FUT4: variants seen among roughly 807,000 people sequenced by gnomAD.
The protein encoded by FUT4 is alpha-(1,3)-fucosyltransferase 4.
A neutral mutation model predicts 3.8 loss-of-function variants in FUT4; 1 was observed. The observed-to-expected ratio is 0.26, with a 90% confidence interval of 0.09 to 1.25. The LOEUF (loss-of-function observed/expected upper bound fraction) is 1.25. Among genes scored for constraint, FUT4 ranks in the 50% most tolerant of loss-of-function variants. The probability of loss-of-function intolerance (pLI) is 0.47; values close to 1 mark genes in which losing one functional copy is unlikely to be tolerated. For synonymous variants in FUT4, 417 were observed against 355.3 expected, an observed-to-expected ratio of 1.17 and a Z score of -1.95; for missense variants, 880 against 768.2, an observed-to-expected ratio of 1.15 and a Z score of -1.72.
At position 94,545,324 on chromosome 11, in the gene FUT4, A is replaced by G; in HGVS notation, c.1191A>G (p.Glu397=). Residue 397 remains glutamate, a synonymous_variant, in exon 1 of 1, where the codon GAA becomes GAG. Coordinates refer to ENST00000358752, the MANE Select transcript of FUT4 (RefSeq NM_002033.4). The part of the protein sequence containing the change: ...GRGGPGQPVP[E]IGLLHTVARY... ...GCGGGCCGGGGCAGCCGGTGCCCGAAATTGGGCTCCTGCACACAGTGGCCC... is the reference window on the plus strand; with the variant it reads ...GCGGGCCGGGGCAGCCGGTGCCCGAGATTGGGCTCCTGCACACAGTGGCCC... The G allele has an allele frequency of 6.2e-7, 1 of 1,612,714 alleles. No individual in the cohort carries two copies. Among genetic ancestry groups the G allele is most frequent in the Non-Finnish European group, 8.5e-7 (1 of 1,179,886 alleles).
At position 94,545,817 on chromosome 11, in the gene FUT4, G is replaced by C. The variant is rs560948877; in HGVS notation, c.*91G>C. 6.9e-7 allele frequency: 1 copy of C among 1,441,490 alleles called. No homozygotes were observed. Among genetic ancestry groups the C allele is most frequent in the Admixed American group, 2.0e-5 (1 of 50,926 alleles). 89.3% of individuals were successfully genotyped at this position (1,441,490 alleles called of 1,614,324 possible). ...CATCTCCTTGACTGCCGCATCATGG[G>C]AGTAAGTTCTTCAAACACCCATTTT... is the stretch of plus-strand genomic sequence containing the variant. On this transcript the variant is annotated 3_prime_UTR_variant, in exon 1 of 1. Coordinates refer to ENST00000358752, the MANE Select transcript of FUT4 (RefSeq NM_002033.4).
chr11:94,544,600 T>A lies in FUT4; in HGVS notation c.467T>A (p.Leu156Gln). The change falls in exon 1 of 1, where the codon CTG becomes CAG. Residue 156 changes from leucine to glutamine, a missense_variant. Coordinates refer to ENST00000358752, the MANE Select transcript of FUT4 (RefSeq NM_002033.4). ...GGGCTGCCATGGACCGTCTGTGTGC[T>A]GGCGGCCGCCGGCTTGACGTGTACG... ...GRGLPWTVCV[L>Q]AAAGLTCTAL... The A allele has an allele frequency of 2.7e-6, 4 of 1,458,262 alleles. No individual in the cohort carries two copies. In the South Asian group the frequency reaches 6.0e-5, roughly 22 times the overall value. 90.3% of individuals were successfully genotyped at this position (1,458,262 alleles called of 1,614,324 possible).
Position 94,546,506 on chromosome 11 carries a change from C to G in FUT4, c.*780C>G, listed in dbSNP as rs980924945. 1 of 167,256 alleles carries G rather than the reference C, an allele frequency of 6.0e-6. No individual in the cohort carries two copies. Among genetic ancestry groups the G allele is most frequent in the East Asian group, 1.9e-4 (1 of 5,206 alleles). The allele number at this position is 167,256 out of a possible 1,614,324, so 10.4% of individuals were successfully genotyped here. ...ACCCTATGGAGAATTTATCCCTTTA[C>G]AATGTGAATAGTCATCTCCTAATTT... On this transcript the variant is annotated 3_prime_UTR_variant, in exon 1 of 1. Coordinates refer to ENST00000358752, the MANE Select transcript of FUT4 (RefSeq NM_002033.4).
At position 94,544,270 on chromosome 11, in the gene FUT4, C is replaced by G; in HGVS notation, c.137C>G (p.Ala46Gly). The change falls in exon 1 of 1, where the codon GCG (alanine) becomes GGG (glycine). Residue 46 changes from alanine to glycine, a missense_variant. Physicochemically the swap from Ala to Gly is moderately conservative, Grantham distance 60. Around this residue, in one of 3 missense-constraint regions of FUT4, gnomAD observed 447 missense variants for 339.5 expected, o/e 1.32. Coordinates refer to ENST00000358752, the MANE Select transcript of FUT4 (RefSeq NM_002033.4). ...GGGCGCAGTGGAAGAAAGGGACGGG[C>G]GGTGCCCGGTTGGGCGTCCTGGCCA... ...GPGRSGRKGRAVPGWASWPAH... is the reference protein window; with the variant it reads ...GPGRSGRKGRGVPGWASWPAH... 6.5e-7 allele frequency: 1 copy of G among 1,542,568 alleles called. No homozygotes were observed. Among genetic ancestry groups the G allele is most frequent in the South Asian group, 1.2e-5 (1 of 83,908 alleles).
Position 94,545,259 on chromosome 11 carries a change from C to G in FUT4, c.1126C>G (p.Gln376Glu). Residue 376 changes from glutamine (Q) to glutamate (E), a missense_variant, in exon 1 of 1, where the codon CAA (glutamine) becomes GAA (glutamate). By Grantham distance (29) the Gln-to-Glu change is conservative (BLOSUM62 2). Coordinates refer to ENST00000358752, the MANE Select transcript of FUT4 (RefSeq NM_002033.4). ...CCAGGCCCGGGTCCGCTACTACCAC[C>G]AACTGAGCCAACATGTGACCGTGGA... ...ERQARVRYYH[Q>E]LSQHVTVDVF... 1 of 1,611,740 alleles carries G rather than the reference C, an allele frequency of 6.2e-7. No individual in the cohort carries two copies. The highest frequency in any genetic ancestry group is 8.5e-7 in the Non-Finnish European group (1 of 1,179,882).
At position 94,544,737 on chromosome 11, in the gene FUT4, G is replaced by C. The variant is rs984644159; in HGVS notation, c.604G>C (p.Asp202His). 3.9e-6 allele frequency: 6 copies of C among 1,553,784 alleles called. No homozygotes were observed. The highest frequency in any genetic ancestry group is 1.2e-5 in the South Asian group (1 of 86,294). Residue 202 changes from aspartate (D) to histidine (H), a missense_variant, in exon 1 of 1, where the codon GAT (aspartate) becomes CAT (histidine). Transcript: ENST00000358752. ...GTGGTGGGAGCCCTTCGGGGGGCGCGATAGCGCCCCGAGGCCGCCCCCTGA... is the reference window on the plus strand; with the variant it reads ...GTGGTGGGAGCCCTTCGGGGGGCGCCATAGCGCCCCGAGGCCGCCCCCTGA... ...LLWWEPFGGR[D>H]SAPRPPPDCR... is the part of the protein sequence containing the mutation.
In FUT4 at chr11:94,545,162, C is replaced by T. The variant is rs746602729; in HGVS notation, c.1029C>T (p.Pro343=). 1.9e-6 allele frequency: 3 copies of T among 1,607,664 alleles called. No individual in the cohort carries two copies. The highest frequency in any genetic ancestry group is 1.7e-5 in the Admixed American group (1 of 59,656). ...CCAGAAGCCACCCCGGCGACCCGCC[C>T]TCAGGCCTGGCCCCGCCACTGTCCA... ...LYPRSHPGDP[P]SGLAPPLSRK... is the part of the protein sequence containing the mutation. The change falls in exon 1 of 1, where the codon CCC becomes CCT. Residue 343 remains proline, a synonymous_variant. Transcript: ENST00000358752.
chr11:94,544,193 G>C lies in FUT4; in HGVS notation c.60G>C (p.Trp20Cys). Reference protein sequence around the residue: ...KPSGAGWEKEWAEAPQEAPGA... With the variant: ...KPSGAGWEKECAEAPQEAPGA... Reference sequence around the variant, plus strand: ...CGGGCGCGGGCTGGGAGAAGGAGTGGGCGGAGGCGCCGCAGGAGGCTCCCG... The same window carrying C: ...CGGGCGCGGGCTGGGAGAAGGAGTGCGCGGAGGCGCCGCAGGAGGCTCCCG... The change falls in exon 1 of 1, where the codon TGG becomes TGC. Residue 20 changes from tryptophan (W) to cysteine (C), a missense_variant. By Grantham distance (215) the Trp-to-Cys change is radical (BLOSUM62 -2). Coordinates refer to ENST00000358752, the MANE Select transcript of FUT4 (RefSeq NM_002033.4). 2 of 1,413,238 alleles carry C rather than the reference G, an allele frequency of 1.4e-6. No homozygotes were observed. The highest frequency in any genetic ancestry group is 1.8e-6 in the Non-Finnish European group (2 of 1,087,502). 87.5% of individuals were successfully genotyped at this position (1,413,238 alleles called of 1,614,324 possible).
At position 94,544,313 on chromosome 11, in the gene FUT4, G is replaced by A. The variant is rs1421110955; in HGVS notation, c.180G>A (p.Ala60=). 3 of 1,556,980 alleles carry A rather than the reference G, an allele frequency of 1.9e-6. No individual in the cohort carries two copies. Among genetic ancestry groups the A allele is most frequent in the Non-Finnish European group, 2.6e-6 (3 of 1,157,896 alleles). ...CCTGGCCAGCTCACCTTGCCCTGGC[G>A]GCTCGCCCCGCCCGGCACTTGGGAG... is the stretch of plus-strand genomic sequence containing the variant. The part of the protein sequence containing the change: ...WASWPAHLAL[A]ARPARHLGGA... Residue 60 remains alanine (A), a synonymous_variant, in exon 1 of 1, where the codon GCG becomes GCA. Coordinates refer to ENST00000358752, the MANE Select transcript of FUT4 (RefSeq NM_002033.4).
In FUT4 at chr11:94,545,693, C is replaced by T. The variant is rs1241577375; in HGVS notation, c.1560C>T (p.Ser520=). ...AVQRAGDRPK[S]IRNLASWFER ...AGAGGGCTGGGGACCGGCCCAAGAG[C>T]ATACGGAACTTGGCCAGCTGGTTCG... The change falls in exon 1 of 1, where the codon AGC becomes AGT. Residue 520 remains serine, a synonymous_variant. Transcript: ENST00000358752. 3 of 1,612,006 alleles carry T rather than the reference C, an allele frequency of 1.9e-6. No individual in the cohort carries two copies. In the African/African-American group the frequency reaches 4.0e-5, roughly 22 times the overall value.
rs1482106687 is a variant in FUT4, at chr11:94,544,110, T to C, written c.-24T>C. ...CGCGCGCAGAGGGAAACCGGATCAG[T>C]TGAGAGAGAATCAAGAGTAGCGGAT... On this transcript the variant is annotated 5_prime_UTR_variant, in exon 1 of 1. Transcript: ENST00000358752. The C allele has an allele frequency of 3.6e-6, 5 of 1,379,050 alleles. No individual in the cohort carries two copies. Among genetic ancestry groups the C allele is most frequent in the East Asian group, 3.1e-5 (1 of 32,510 alleles). 85.4% of individuals were successfully genotyped at this position (1,379,050 alleles called of 1,614,324 possible).
rs369821585 is a variant in FUT4 at position 94,545,709 on chromosome 11, A to C, written c.1576A>C (p.Ser526Arg). Residue 526 changes from serine to arginine, a missense_variant, in exon 1 of 1, where the codon AGC (serine) becomes CGC (arginine). Physicochemically the swap from Ser to Arg is moderately radical, Grantham distance 110 (BLOSUM62 -1). Around this residue, in one of 3 missense-constraint regions of FUT4, gnomAD observed 424 missense variants for 400.4 expected, o/e 1.06. Coordinates refer to ENST00000358752, the MANE Select transcript of FUT4 (RefSeq NM_002033.4). The part of the protein sequence containing the change: ...DRPKSIRNLA[S>R]WFER ...GCCCAAGAGCATACGGAACTTGGCC[A>C]GCTGGTTCGAGCGGTGAAGCCGCGC... The C allele has an allele frequency of 1.2e-4, 187 of 1,611,548 alleles. 1 individual carries two copies. The highest frequency in any genetic ancestry group is 1.6e-4 in the Middle Eastern group (1 of 6,082).
rs1386744738 is a variant in FUT4 at position 94,544,769 on chromosome 11, G to A, written c.636G>A (p.Arg212=). The part of the protein sequence containing the change: ...DSAPRPPPDC[R]LRFNISGCRL... ...CCCCGAGGCCGCCCCCTGACTGCCGGCTGCGCTTCAACATCAGCGGCTGCC... is the reference window on the plus strand; with the variant it reads ...CCCCGAGGCCGCCCCCTGACTGCCGACTGCGCTTCAACATCAGCGGCTGCC... Residue 212 remains arginine, a synonymous_variant, in exon 1 of 1, where the codon CGG becomes CGA. Coordinates refer to ENST00000358752, the MANE Select transcript of FUT4 (RefSeq NM_002033.4). 2.8e-5 allele frequency: 45 copies of A among 1,580,216 alleles called. No individual in the cohort carries two copies. The highest frequency in any genetic ancestry group is 3.4e-5 in the Non-Finnish European group (40 of 1,170,946).
Position 94,544,114 on chromosome 11 carries a change from G to A in FUT4, c.-20G>A. ...CGCAGAGGGAAACCGGATCAGTTGAGAGAGAATCAAGAGTAGCGGATGAGG... is the reference window on the plus strand; with the variant it reads ...CGCAGAGGGAAACCGGATCAGTTGAAAGAGAATCAAGAGTAGCGGATGAGG... On this transcript the variant is annotated 5_prime_UTR_variant, in exon 1 of 1. Transcript: ENST00000358752. 2 of 1,382,134 alleles carry A rather than the reference G, an allele frequency of 1.4e-6. No homozygotes were observed. 85.6% of individuals were successfully genotyped at this position (1,382,134 alleles called of 1,614,324 possible).
chr11:94,543,945 C>A lies in FUT4; in HGVS notation c.-189C>A. ...CGTTCCGCGGCGCCGGGTCCGCCTTCCGTCTGTTCTAGGGCCTGCTCCTGC... is the reference window on the plus strand; with the variant it reads ...CGTTCCGCGGCGCCGGGTCCGCCTTACGTCTGTTCTAGGGCCTGCTCCTGC... On this transcript the variant is annotated 5_prime_UTR_variant, in exon 1 of 1. Coordinates refer to ENST00000358752, the MANE Select transcript of FUT4 (RefSeq NM_002033.4). 1.3e-6 allele frequency: 1 copy of A among 798,500 alleles called. No individual in the cohort carries two copies. The highest frequency in any genetic ancestry group is 1.7e-6 in the Non-Finnish European group (1 of 585,172). 49.5% of individuals were successfully genotyped at this position (798,500 alleles called of 1,614,324 possible).
rs1947869978 is a variant in FUT4 at position 94,546,998 on chromosome 11, G to A, written c.*1272G>A. 1.2e-5 allele frequency: 2 copies of A among 167,090 alleles called. No individual in the cohort carries two copies. The highest frequency in any genetic ancestry group is 6.5e-5 in the Admixed American group (1 of 15,276). 10.4% of individuals were successfully genotyped at this position (167,090 alleles called of 1,614,324 possible). A position where few individuals can be genotyped will look rare whatever the true frequency, so the allele number is the denominator to read the frequency against. Reference sequence around the variant, plus strand: ...GCAGGTTCCCCTCACAGTCAATGCAGTGGTATAGCATATCCTCACATTTCT... The same window carrying A: ...GCAGGTTCCCCTCACAGTCAATGCAATGGTATAGCATATCCTCACATTTCT... On this transcript the variant is annotated 3_prime_UTR_variant, in exon 1 of 1. Transcript: ENST00000358752.
In FUT4 at chr11:94,545,558, C is replaced by G; in HGVS notation, c.1425C>G (p.Leu475=). The G allele has an allele frequency of 6.2e-7, 1 of 1,613,658 alleles. No homozygotes were observed. The highest frequency in any genetic ancestry group is 8.5e-7 in the Non-Finnish European group (1 of 1,180,020). The change falls in exon 1 of 1, where the codon CTC becomes CTG. Residue 475 remains leucine, a synonymous_variant. Transcript: ENST00000358752. ...ASSLASYLLF[L]DRNPAVYRRY... Reference sequence around the variant, plus strand: ...CCCTGGCCTCGTACCTGCTTTTCCTCGACCGCAACCCCGCGGTCTATCGCC... The same window carrying G: ...CCCTGGCCTCGTACCTGCTTTTCCTGGACCGCAACCCCGCGGTCTATCGCC...
chr11:94,544,174 C>T lies in FUT4; in HGVS notation c.41C>T (p.Ala14Val). The change falls in exon 1 of 1, where the codon GCG (alanine) becomes GTG (valine). Residue 14 changes from alanine (A) to valine (V), a missense_variant. Around this residue, in one of 3 missense-constraint regions of FUT4, gnomAD observed 447 missense variants for 339.5 expected, o/e 1.32. Coordinates refer to ENST00000358752, the MANE Select transcript of FUT4 (RefSeq NM_002033.4). ...GGCGCGGCCCGGAAGCCCTCGGGCG[C>T]GGGCTGGGAGAAGGAGTGGGCGGAG... ...LWGAARKPSGAGWEKEWAEAP... is the reference protein window; with the variant it reads ...LWGAARKPSGVGWEKEWAEAP... The T allele has an allele frequency of 1.4e-6, 2 of 1,394,052 alleles. No individual in the cohort carries two copies. The highest frequency in any genetic ancestry group is 1.9e-6 in the Non-Finnish European group (2 of 1,076,090). 86.4% of individuals were successfully genotyped at this position (1,394,052 alleles called of 1,614,324 possible). A position where few individuals can be genotyped will look rare whatever the true frequency, so the allele number is the denominator to read the frequency against.
rs948508468 is a variant in FUT4, at chr11:94,548,494, G to A, written c.*2768G>A. ...CCTGACCTTGTGATCCACCTGCCTCGGCCTCTCAGAGAGCTGGGATTACAG... is the reference window on the plus strand; with the variant it reads ...CCTGACCTTGTGATCCACCTGCCTCAGCCTCTCAGAGAGCTGGGATTACAG... On this transcript the variant is annotated 3_prime_UTR_variant, in exon 1 of 1. Transcript: ENST00000358752. The A allele has an allele frequency of 6.2e-6, 1 of 160,848 alleles. No homozygotes were observed. The highest frequency in any genetic ancestry group is 2.4e-5 in the African/African-American group (1 of 41,358). The allele number at this position is 160,848 out of a possible 1,614,324, so 10.0% of individuals were successfully genotyped here.
Sources: gnomAD v4.1 joint callset for allele counts on GRCh38, gnomAD v4.1.1 for gene constraint, gnomAD v4.1.1 regional missense constraint, MANE v1.5 for transcripts, NCBI Gene and HGNC (gene_info 2026-07-23, HGNC 2026-07-21) for gene names.